The following NBEA variants were observed in gnomAD, a reference collection of about 807,000 sequenced individuals.
NBEA encodes the protein neurobeachin.
A neutral mutation model predicts 343.4 loss-of-function variants in NBEA; 44 were observed. That is an observed-to-expected ratio of 0.13 (90% CI 0.10 to 0.16). NBEA has a LOEUF of 0.16. Among genes scored for constraint, NBEA ranks in the 10% least tolerant of loss-of-function variants. NBEA has a pLI of 1.00. For missense variants in NBEA, 2,555 were observed against 3,631.3 expected (o/e 0.70, Z 7.62); for synonymous variants, 1,175 against 1,238.7 (o/e 0.95, Z 1.08).
Position 34,942,911 on chromosome 13 carries a change from G to C in NBEA, c.91G>C (p.Gly31Arg). 1 of 1,503,176 alleles carries C rather than the reference G, an allele frequency of 6.7e-7. No individual in the cohort carries two copies. The highest frequency in any genetic ancestry group is 1.3e-5 in the South Asian group (1 of 78,668). The allele number at this position is 1,503,176 out of a possible 1,614,324, so 93.1% of individuals were successfully genotyped here. A position where few individuals can be genotyped will look rare whatever the true frequency, so the allele number is the denominator to read the frequency against. ...CGGGGCCGCTGGCGGAGGCGGCGGG[G>C]GCAGCGGTGGTGGCGGCACCGGGGG... ...AVGAAGGGGG[G>R]SGGGGTGGSG... The change falls in exon 1 of 59, where the codon GGC becomes CGC. Residue 31 changes from glycine (G) to arginine (R), a missense_variant. By Grantham distance (125) the Gly-to-Arg change is moderately radical. Around this residue, in one of 21 missense-constraint regions of NBEA, gnomAD observed 122 missense variants for 91.0 expected, o/e 1.34. Transcript: ENST00000379939.
chr13:35,054,806 G>A (rs918502840), intron 6 of NBEA, among the ~76,000 whole-genome samples: 2 of 151,750 alleles, frequency 1.3e-5, no homozygotes, highest in African/African-American at 4.8e-5. Context: ...ACCAGGCCTG[G>A]CTAATTTTTG....
intron 36 of NBEA, among the ~76,000 whole-genome samples, chr13:35,311,572 G>A (rs1014990901): frequency 3.9e-5 from 6 of 152,108 alleles, no homozygotes; most frequent in African/African-American, 1.4e-4. Flanking sequence ...TTTCAATCTA[G>A]GTTGGGTGCA....
At chr13:34,946,264 A>G (rs572953967) in intron 1 of NBEA, among the ~76,000 whole-genome samples, 2 of 152,140 alleles carry the variant, frequency 1.3e-5, no homozygotes, top group African/African-American at 2.4e-5. Flanking sequence ...ACTACAGAGA[A>G]GAGATTTTGT....
intron 41 of NBEA, among the ~76,000 whole-genome samples, chr13:35,493,447 G>A (rs922133514): frequency 2.6e-5 from 4 of 151,820 alleles, no homozygotes; most frequent in Non-Finnish European, 5.9e-5. Context: ...TGTTTTTTAG[G>A]TGTCTGCCCA....
At chr13:35,497,177 T>TA (rs2076712291) in intron 41 of NBEA, among the ~76,000 whole-genome samples, 1 of 152,086 alleles carries the variant, frequency 6.6e-6, no homozygotes, top group Admixed American at 6.6e-5. Context: ...CATTGCCACT[T>TA]AAAGTGATTC....
chr13:35,474,943 T>A (rs9565317), intron 41 of NBEA: 1 of 1,190,238 alleles, frequency 8.4e-7, no homozygotes, highest in Non-Finnish European at 1.2e-6. Context: ...ATTATTCCTT[T>A]TTAAAGGAAG....
intron 39 of NBEA, 38 bp downstream of exon 39, chr13:35,432,431 A>G (rs1239466972): frequency 2.0e-6 from 3 of 1,522,570 alleles, no homozygotes; most frequent in South Asian, 1.3e-5. Context: ...ATACTTCTGG[A>G]TGTGAGGTGA....
chr13:35,426,671 T>C (rs1274624960), intron 38 of NBEA, among the ~76,000 whole-genome samples: 1 of 152,154 alleles, frequency 6.6e-6, no homozygotes, highest in Non-Finnish European at 1.5e-5. Flanking sequence ...TCTCTGTATT[T>C]CCTGAATTTG....
intron 38 of NBEA, among the ~76,000 whole-genome samples, chr13:35,373,532 C>T (rs567253313): frequency 6.8e-6 from 1 of 147,788 alleles, no homozygotes; most frequent in East Asian, 2.0e-4. Context: ...GGACAAAACC[C>T]CATCTCTATA....
At chr13:35,150,325 CAGAA>C (rs2068698187) in intron 18 of NBEA, among the ~76,000 whole-genome samples, 1 of 152,018 alleles carries the variant, frequency 6.6e-6, no homozygotes, top group African/African-American at 2.4e-5. Flanking sequence ...TACAAAATAG[CAGAA>C]AGAGTCTTCA....
intron 48 of NBEA, among the ~76,000 whole-genome samples, chr13:35,609,169 A>G (rs113499610): frequency 1.3e-5 from 2 of 152,324 alleles, no homozygotes; most frequent in African/African-American, 4.8e-5. Context: ...TCCACTGGAC[A>G]TTTCACATTT....
At position 35,567,126 on chromosome 13, in the gene NBEA, T is replaced by A. The variant is rs371210295; in HGVS notation, c.7035+109T>A. On this transcript the variant is annotated intron_variant, in intron 45 of 58. Coordinates refer to ENST00000379939, the MANE Select transcript of NBEA (RefSeq NM_001385012.1). ...AATGTTTGTAAGAAGGTGAAACTGA[T>A]TATCTTGACTTACATAGTCAGTTTC... 1.5e-5 allele frequency: 8 copies of A among 534,342 alleles called. No individual in the cohort carries two copies. The South Asian group carries it at 1.8e-4, about 12-fold the overall frequency. The allele number at this position is 534,342 out of a possible 1,614,324, so 33.1% of individuals were successfully genotyped here. A position where few individuals can be genotyped will look rare whatever the true frequency, so the allele number is the denominator to read the frequency against.
intron 36 of NBEA, among the ~76,000 whole-genome samples, chr13:35,341,755 G>A (rs2039597727): frequency 6.6e-6 from 1 of 152,014 alleles, no homozygotes; most frequent in African/African-American, 2.4e-5. Flanking sequence ...ACAGAAATTG[G>A]AACCCTCACA....
intron 34 of NBEA, among the ~76,000 whole-genome samples, chr13:35,235,509 G>A (rs2075185206): frequency 6.6e-6 from 1 of 152,148 alleles, no homozygotes. Context: ...TTAGTAGTGA[G>A]TCCTGCAATG....
intron 1 of NBEA, among the ~76,000 whole-genome samples, chr13:35,023,280 C>A (rs2061908698): frequency 6.6e-6 from 1 of 151,964 alleles, no homozygotes; most frequent in Admixed American, 6.6e-5. Context: ...AAATGTATTT[C>A]TTTATAAAGG....
chr13:35,307,516 T>C (rs1187555053), intron 35 of NBEA, among the ~76,000 whole-genome samples: 1 of 152,080 alleles, frequency 6.6e-6, no homozygotes, highest in Non-Finnish European at 1.5e-5. Flanking sequence ...CTCTTGATTT[T>C]TTTAGACAAG....
At chr13:35,445,806 A>ATATATATG (rs2045993444) in intron 39 of NBEA, among the ~76,000 whole-genome samples, 2 of 136,572 alleles carry the variant, frequency 1.5e-5, no homozygotes, top group African/African-American at 2.7e-5. Context: ...ATATATATAT[A>ATATATATG]TATATATATA....
chr13:35,604,715 C>T (rs2082210013), intron 47 of NBEA, among the ~76,000 whole-genome samples: 1 of 152,146 alleles, frequency 6.6e-6, no homozygotes, highest in Admixed American at 6.6e-5. Flanking sequence ...CTCCCACCAT[C>T]TCATCCCTCC....
intron 40 of NBEA, among the ~76,000 whole-genome samples, chr13:35,463,218 T>A (rs979107193): frequency 6.6e-6 from 1 of 152,228 alleles, no homozygotes; most frequent in African/African-American, 2.4e-5. Context: ...TCAGGAACTC[T>A]GGCTCAGCAT....
Sources: allele counts gnomAD v4.1 joint callset (sites outside exome capture counted in the v4.1 genomes callset), GRCh38; gene constraint gnomAD v4.1.1; regional missense constraint gnomAD v4.1.1; transcripts MANE v1.5; gene names NCBI Gene and HGNC (gene_info 2026-07-23, HGNC 2026-07-21).